The following SNTG1 variants were observed in gnomAD, a reference collection of about 807,000 sequenced individuals.
SNTG1 encodes the protein gamma-1-syntrophin.
In SNTG1, 39 loss-of-function variants were observed where a neutral mutation model predicts 74.7. The ratio of observed to expected loss-of-function variants is 0.52; its 90% CI spans 0.40 to 0.68. The LOEUF (loss-of-function observed/expected upper bound fraction) is 0.68. Among genes scored for constraint, SNTG1 ranks in the 30% least tolerant of loss-of-function variants. SNTG1 has a pLI of 0.00. For missense variants in SNTG1, 685 were observed against 609.5 expected (o/e 1.12, Z -1.30); for synonymous variants, 254 against 217.1 (o/e 1.17, Z -1.49).
chr8:50,383,094 T>C (rs541108767), intron 2 of SNTG1, among the ~76,000 whole-genome samples: 1 of 152,324 alleles, frequency 6.6e-6, no homozygotes, highest in South Asian at 2.1e-4. Context: ...CGCAATTAAA[T>C]AATTGGGCAC....
At chr8:50,031,890 C>T (rs979649811) in intron 1 of SNTG1, among the ~76,000 whole-genome samples, 8 of 152,018 alleles carry the variant, frequency 5.3e-5, no homozygotes, top group Non-Finnish European at 8.8e-5. Flanking sequence ...GTAGAATTTA[C>T]GTCTTATACA....
At chr8:50,307,263 T>A (rs1320582096) in intron 2 of SNTG1, among the ~76,000 whole-genome samples, 1 of 152,216 alleles carries the variant, frequency 6.6e-6, no homozygotes, top group South Asian at 2.1e-4. Flanking sequence ...TCTTAGGATA[T>A]GAATATGTCC....
intron 2 of SNTG1, among the ~76,000 whole-genome samples, chr8:50,290,010 TA>T (rs766087687): frequency 6.6e-6 from 1 of 152,254 alleles, no homozygotes; most frequent in East Asian, 1.9e-4. Flanking sequence ...TTGCAGGGGA[TA>T]GGGGTACAAT....
intron 15 of SNTG1, among the ~76,000 whole-genome samples, chr8:50,672,653 G>A (rs2095290052): frequency 6.6e-6 from 1 of 152,114 alleles, no homozygotes; most frequent in African/African-American, 2.4e-5. Context: ...TCACTCTGAT[G>A]ATAGTTTATT....
At chr8:50,625,984 C>G (rs899870672) in intron 13 of SNTG1, among the ~76,000 whole-genome samples, 7 of 152,126 alleles carry the variant, frequency 4.6e-5, no homozygotes, top group Non-Finnish European at 8.8e-5. Flanking sequence ...TTTTTTTACA[C>G]AGCCAAAAGA....
chr8:50,021,660 C>T (rs1017583760), intron 1 of SNTG1, among the ~76,000 whole-genome samples: 1 of 152,036 alleles, frequency 6.6e-6, no homozygotes, highest in African/African-American at 2.4e-5. Context: ...GTATGTGGGG[C>T]ATGGTGCCCC....
At chr8:50,655,000 T>G (rs907335799) in intron 13 of SNTG1, among the ~76,000 whole-genome samples, 1 of 152,196 alleles carries the variant, frequency 6.6e-6, no homozygotes, top group Non-Finnish European at 1.5e-5. Flanking sequence ...GACATTTCCG[T>G]GTAGAAAGCA....
At chr8:50,389,974 T>C (rs1489977360) in intron 2 of SNTG1, among the ~76,000 whole-genome samples, 1 of 152,230 alleles carries the variant, frequency 6.6e-6, no homozygotes, top group Non-Finnish European at 1.5e-5. Flanking sequence ...TTGTAGGTTC[T>C]GGATATTAGC....
At chr8:49,994,176 A>G (rs1813962174) in intron 1 of SNTG1, among the ~76,000 whole-genome samples, 1 of 152,040 alleles carries the variant, frequency 6.6e-6, no homozygotes, top group Non-Finnish European at 1.5e-5. Flanking sequence ...AGTATAATTG[A>G]GACATGAAAA....
chr8:50,453,590 C>T (rs1455666682), intron 8 of SNTG1, among the ~76,000 whole-genome samples: 1 of 152,184 alleles, frequency 6.6e-6, no homozygotes, highest in African/African-American at 2.4e-5. Flanking sequence ...ATGAACTAAA[C>T]TTTTCTATCA....
intron 2 of SNTG1, among the ~76,000 whole-genome samples, chr8:50,337,134 T>A (rs2091169011): frequency 6.6e-6 from 1 of 152,180 alleles, no homozygotes. Context: ...TGTAAATGAC[T>A]TGGCAGTTGT....
At chr8:50,256,879 C>T (rs1262234318) in intron 2 of SNTG1, among the ~76,000 whole-genome samples, 1 of 152,052 alleles carries the variant, frequency 6.6e-6, no homozygotes, top group African/African-American at 2.4e-5. Flanking sequence ...AGGAAAGCTA[C>T]TAAATCTTAA....
chr8:50,028,437 G>C (rs190896386), intron 1 of SNTG1, among the ~76,000 whole-genome samples: 2 of 152,078 alleles, frequency 1.3e-5, no homozygotes, highest in East Asian at 3.9e-4. Context: ...ATAGATATTT[G>C]TGTGGACATG....
chr8:49,910,118 G>A (rs1269467298), upstream of SNTG1, among the ~76,000 whole-genome samples: 2 of 152,214 alleles, frequency 1.3e-5, no homozygotes, highest in African/African-American at 2.4e-5. Flanking sequence ...GCGGGAACGC[G>A]CTCTAATCCT....
intron 1 of SNTG1, among the ~76,000 whole-genome samples, chr8:49,915,588 G>A (rs1160088722): frequency 6.6e-6 from 1 of 152,150 alleles, no homozygotes; most frequent in African/African-American, 2.4e-5. Context: ...TAGTTGACCT[G>A]AGTCTATTTC....
chr8:50,006,240 C>A (rs774837914), intron 1 of SNTG1, among the ~76,000 whole-genome samples: 1 of 152,086 alleles, frequency 6.6e-6, no homozygotes, highest in African/African-American at 2.4e-5. Flanking sequence ...GGATTACAGG[C>A]GTGAGCCACC....
intron 2 of SNTG1, among the ~76,000 whole-genome samples, chr8:50,201,958 T>C (rs2084003324): frequency 6.6e-6 from 1 of 152,100 alleles, no homozygotes; most frequent in African/African-American, 2.4e-5. Context: ...AATACAAGTA[T>C]AGCAATATGA....
At chr8:50,093,591 A>G (rs904595815) in intron 1 of SNTG1, among the ~76,000 whole-genome samples, 8 of 152,140 alleles carry the variant, frequency 5.3e-5, no homozygotes, top group Non-Finnish European at 8.8e-5. Flanking sequence ...GTTCTTTCCT[A>G]CAGAGTCCCT....
intron 1 of SNTG1, among the ~76,000 whole-genome samples, chr8:49,990,599 C>A (rs969239522): frequency 6.6e-6 from 1 of 151,860 alleles, no homozygotes; most frequent in Non-Finnish European, 1.5e-5. Flanking sequence ...GTAATATTGG[C>A]GTAATGATAG....
Sources: gnomAD v4.1 joint callset for allele counts (sites outside exome capture counted in the v4.1 genomes callset) on GRCh38, gnomAD v4.1.1 for gene constraint, MANE v1.5 for transcripts, NCBI Gene and HGNC (gene_info 2026-07-23, HGNC 2026-07-21) for gene names.